TMEM170A: variants seen among roughly 807,000 people sequenced by gnomAD.
TMEM170A encodes the protein transmembrane protein 170.
Under a neutral mutation model 12.8 loss-of-function variants are expected in TMEM170A, and 18 were observed. The observed-to-expected ratio is 1.41, with a 90% CI of 0.97 to 2.09. The LOEUF (loss-of-function observed/expected upper bound fraction) is 2.09, where lower values mean the gene tolerates loss of function less well. Among genes scored for constraint, TMEM170A ranks in the 30% most tolerant of loss-of-function variants. The pLI is 0.00. For synonymous variants in TMEM170A, 107 were observed against 76.2 expected (o/e 1.40, Z -2.11); for missense variants, 220 against 179.9 (o/e 1.22, Z -1.28).
At position 75,446,866 on chromosome 16, in the gene TMEM170A, T is replaced by C. The variant is rs1210028486; in HGVS notation, c.*692A>G. 2 of 152,150 alleles carry C rather than the reference T, an allele frequency of 1.3e-5. No individual in the cohort carries two copies. The highest frequency in any genetic ancestry group is 4.8e-5 in the African/African-American group (2 of 41,432). The allele number at this position is 152,150 out of a possible 1,614,324, so 9.4% of individuals were successfully genotyped here. ...AAAAGTCTAAATTAGCTAGCTTATTTTGATAAAACATACAAAATAACAAAT... is the reference window on the plus strand; with the variant it reads ...AAAAGTCTAAATTAGCTAGCTTATTCTGATAAAACATACAAAATAACAAAT... On this transcript the variant is annotated 3_prime_UTR_variant, in exon 3 of 3. Transcript: ENST00000561878.
At position 75,447,046 on chromosome 16, in the gene TMEM170A, T is replaced by G. The variant is rs1224635992; in HGVS notation, c.*512A>C. On this transcript the variant is annotated 3_prime_UTR_variant, in exon 3 of 3. Coordinates refer to ENST00000561878, the MANE Select transcript of TMEM170A (RefSeq NM_145254.3). ...TTTTTTCCTGCTTTATTTCACCAAA[T>G]TTGTTTTCAAAACTATACTCAACCA... 6.6e-6 allele frequency: 1 copy of G among 152,262 alleles called. No individual in the cohort carries two copies. Among genetic ancestry groups the G allele is most frequent in the Non-Finnish European group, 1.5e-5 (1 of 68,044 alleles). 9.4% of individuals were successfully genotyped at this position (152,262 alleles called of 1,614,324 possible).
chr16:75,463,975 G>A (rs942317623), intron 1 of TMEM170A, among the ~76,000 whole-genome samples: 1 of 152,258 alleles, frequency 6.6e-6, no homozygotes, highest in Non-Finnish European at 1.5e-5. Flanking sequence ...AGGCGCCCGC[G>A]ATCAGCGAAC....
At chr16:75,457,998 C>CT (rs2079830333) in intron 1 of TMEM170A, among the ~76,000 whole-genome samples, 1 of 152,174 alleles carries the variant, frequency 6.6e-6, no homozygotes, top group African/African-American at 2.4e-5. Context: ...ATCTAAAACG[C>CT]TTTTTAAAAA....
chr16:75,449,415 C>A (rs1016508293), intron 2 of TMEM170A, among the ~76,000 whole-genome samples: 1 of 151,634 alleles, frequency 6.6e-6, no homozygotes, highest in African/African-American at 2.4e-5. Flanking sequence ...GCAGCCTCAA[C>A]CTCCTGGGCT....
At chr16:75,463,163 C>G (rs1316920125) in intron 1 of TMEM170A, among the ~76,000 whole-genome samples, 1 of 152,164 alleles carries the variant, frequency 6.6e-6, no homozygotes, top group African/African-American at 2.4e-5. Context: ...GTTCTCTCAA[C>G]TGTTTGGCAG....
intron 2 of TMEM170A, among the ~76,000 whole-genome samples, chr16:75,450,180 CA>C (rs34044750): frequency 0.43 from 49,824 of 116,020 alleles, 9,377 homozygotes; most frequent in African/African-American, 0.54. Flanking sequence ...CACTTTCTCT[CA>C]AAAAAAAAAA....
chr16:75,463,174 G>A (rs191094782), intron 1 of TMEM170A, among the ~76,000 whole-genome samples: 105 of 152,290 alleles, frequency 6.9e-4, no homozygotes, highest in African/African-American at 2.5e-3. Context: ...TGTTTGGCAG[G>A]CTTGACATTT....
chr16:75,454,403 G>T (rs1479398963), intron 1 of TMEM170A, among the ~76,000 whole-genome samples: 1 of 152,198 alleles, frequency 6.6e-6, no homozygotes, highest in East Asian at 1.9e-4. Flanking sequence ...CTAATCACGA[G>T]GTCAGGAGTT....
chr16:75,451,929 T>C, intron 1 of TMEM170A, 90 bp from the exon 2 acceptor site: 1 of 1,155,510 alleles, frequency 8.7e-7, no homozygotes, highest in Non-Finnish European at 1.2e-6. Flanking sequence ...TCATTTCATT[T>C]TCAACACCGT....
At chr16:75,451,434 A>G in intron 2 of TMEM170A, 1 of 600,986 alleles carries the variant, frequency 1.7e-6, no homozygotes, top group South Asian at 2.0e-5. Context: ...CTGTAGTCCA[A>G]GCTTCTTGGG....
rs1304805258 is a variant in TMEM170A, at chr16:75,448,500, C to T, written c.305-812G>A. Among the ~76,000 whole-genome samples, 5 of 152,146 alleles carry T rather than the reference C, an allele frequency of 3.3e-5. No homozygotes were observed. In the South Asian group the frequency reaches 6.2e-4, roughly 19 times the overall value. On this transcript the variant is annotated intron_variant, in intron 2 of 2. Transcript: ENST00000561878. The stretch of plus-strand genomic sequence containing the variant: ...AGATCCGGCCGGGCACGGTGGCTCA[C>T]GCCTGTAATCCCAGCACTTTGGGAG...
chr16:75,458,025 T>C (rs752357926), intron 1 of TMEM170A, among the ~76,000 whole-genome samples: 29 of 152,240 alleles, frequency 1.9e-4, no homozygotes, highest in Non-Finnish European at 3.8e-4. Flanking sequence ...TGATTTCCCT[T>C]TAATCTACTG....
At chr16:75,452,628 T>C (rs982712597) in intron 1 of TMEM170A, 2 of 152,046 alleles carry the variant, frequency 1.3e-5, no homozygotes, top group African/African-American at 2.4e-5. Context: ...TCTTTAGAGA[T>C]GGGGTCTCAC....
chr16:75,460,798 T>C (rs2079890110), intron 1 of TMEM170A, among the ~76,000 whole-genome samples: 1 of 152,200 alleles, frequency 6.6e-6, no homozygotes, highest in Non-Finnish European at 1.5e-5. Flanking sequence ...CAAATATTTT[T>C]TGAGTGAATG....
At chr16:75,448,394 C>G (rs934524382) in intron 2 of TMEM170A, among the ~76,000 whole-genome samples, 9 of 152,156 alleles carry the variant, frequency 5.9e-5, no homozygotes, top group Admixed American at 5.9e-4. Context: ...TGCAGATACC[C>G]ATTTGAGTTA....
intron 1 of TMEM170A, chr16:75,464,264 G>A: frequency 6.7e-7 from 1 of 1,496,480 alleles, no homozygotes; most frequent in Non-Finnish European, 8.9e-7. Context: ...ACGCCCAGCG[G>A]GACTCCGGGG....
chr16:75,463,517 G>T (rs1413638549), intron 1 of TMEM170A, among the ~76,000 whole-genome samples: 2 of 152,182 alleles, frequency 1.3e-5, no homozygotes, highest in African/African-American at 4.8e-5. Flanking sequence ...CTGCCCAGGG[G>T]ATGAGAAATC....
intron 2 of TMEM170A, among the ~76,000 whole-genome samples, chr16:75,450,180 C>CAAAAA (rs34044750): frequency 8.6e-6 from 1 of 116,284 alleles, no homozygotes; most frequent in Admixed American, 9.2e-5. Context: ...CACTTTCTCT[C>CAAAAA]AAAAAAAAAA....
At chr16:75,447,797 T>C (rs1038314549) in intron 2 of TMEM170A, 109 bp from the exon 3 acceptor site, 1 of 1,232,096 alleles carries the variant, frequency 8.1e-7, no homozygotes, top group African/African-American at 1.5e-5. Flanking sequence ...CCAGATTTTA[T>C]ACTGAAATTT....
Sources: gnomAD v4.1 joint callset for allele counts (sites outside exome capture counted in the v4.1 genomes callset) on GRCh38, gnomAD v4.1.1 for gene constraint, MANE v1.5 for transcripts, NCBI Gene and HGNC (gene_info 2026-07-23, HGNC 2026-07-21) for gene names.